The following JARID2 variants were observed in gnomAD, a reference collection of about 807,000 sequenced individuals.
JARID2 encodes jumonji and AT-rich interaction domain containing 2.
Under a neutral mutation model 125.6 loss-of-function variants are expected in JARID2, and 21 were observed. The ratio of observed to expected loss-of-function variants is 0.17; its 90% CI spans 0.12 to 0.24. The LOEUF is 0.24. JARID2 is among the 10% of genes least tolerant of loss of function. JARID2 has a pLI of 1.00. For missense variants in JARID2, 1,303 were observed against 1,639.6 expected (o/e 0.79, Z 3.55); for synonymous variants, 736 against 661.6 (o/e 1.11, Z -1.73).
Position 15,501,008 on chromosome 6 carries a change from A to T in JARID2, c.2047A>T (p.Met683Leu). ...DLKKWNKLAD[M>L]LRIPRTAQDR... is the part of the protein sequence containing the mutation. ...CAAAAAATGGAACAAACTAGCAGAC[A>T]TGCTGCGCATCCCCAGAACTGCCCA... The change falls in exon 8 of 18, where the codon ATG (methionine) becomes TTG (leucine). Residue 683 changes from methionine to leucine, a missense_variant. Physicochemically the swap from Met to Leu is conservative, Grantham distance 15. Around this residue, in one of 11 missense-constraint regions of JARID2, gnomAD observed 64 missense variants for 166.8 expected, o/e 0.38. Transcript: ENST00000341776. The T allele has an allele frequency of 6.2e-7, 1 of 1,614,136 alleles. No homozygotes were observed. The highest frequency in any genetic ancestry group is 8.5e-7 in the Non-Finnish European group (1 of 1,179,948).
intron 3 of JARID2, among the ~76,000 whole-genome samples, chr6:15,450,994 C>A (rs918519867): frequency 2.6e-5 from 4 of 152,078 alleles, no homozygotes; most frequent in Non-Finnish European, 4.4e-5. Context: ...GAAACCTCAC[C>A]TCTACAAAAA....
rs564481297 is a variant in JARID2, at chr6:15,297,836, T to C, written c.45+51252T>C. On this transcript the variant is annotated intron_variant, in intron 1 of 17. Transcript: ENST00000341776. ...CTAGATTATTTAGTAGACCCTAGAT[T>C]TTCTCTACAAATGTAAAATGTTATT... Among the ~76,000 whole-genome samples the C allele has an allele frequency of 2.0e-5, 3 of 152,282 alleles. No homozygotes were observed. The East Asian group carries it at 5.8e-4, about 29-fold the overall frequency.
intron 1 of JARID2, among the ~76,000 whole-genome samples, chr6:15,255,358 C>T (rs1182131670): frequency 1.3e-5 from 2 of 152,152 alleles, no homozygotes; most frequent in Non-Finnish European, 2.9e-5. Flanking sequence ...CCGCCTCAGC[C>T]TCCCAAAGTG....
rs1217076029 is a variant in JARID2, at chr6:15,321,571, GGTTTATCTACTTC to G, written c.46-52543_46-52531del. On this transcript the variant is annotated intron_variant, in intron 1 of 17. Coordinates refer to ENST00000341776, the MANE Select transcript of JARID2 (RefSeq NM_004973.4). ...CAGAACCAAAGACTGACTGTCAGGG[GGTTTATCTACTTC>G]GTAACTTGTCATTAGAAAACATGAT... Among the ~76,000 whole-genome samples the G allele has an allele frequency of 1.1e-4, 17 of 152,152 alleles. No homozygotes were observed. In the East Asian group the frequency reaches 1.9e-3, roughly 17 times the overall value.
chr6:15,304,333 A>G (rs1761745092), intron 1 of JARID2, among the ~76,000 whole-genome samples: 1 of 30,296 alleles, frequency 3.3e-5, no homozygotes, highest in South Asian at 9.6e-4. Context: ...ACCCACTGTA[A>G]CTTGGTTAGT....
chr6:15,433,912 ACT>A (rs1213004086), intron 3 of JARID2, among the ~76,000 whole-genome samples: 1 of 115,370 alleles, frequency 8.7e-6, no homozygotes, highest in Non-Finnish European at 1.8e-5. Context: ...AGTAGCCCTC[ACT>A]CTCCAGGGTG....
At chr6:15,492,866 C>CT (rs1561901087) in intron 6 of JARID2, among the ~76,000 whole-genome samples, 2 of 151,908 alleles carry the variant, frequency 1.3e-5, no homozygotes. Context: ...TATGGGCATG[C>CT]GTGTGTGATA....
Position 15,470,719 on chromosome 6 carries a change from G to T in JARID2, c.670+2001G>T, listed in dbSNP as rs4715978. ...TTGTTACCTGCAGCTGTGGTCATCA[G>T]GGCATCTGGGTGGTTGGAAGAGAGC... On this transcript the variant is annotated intron_variant, in intron 5 of 17. Transcript: ENST00000341776. Among the ~76,000 whole-genome samples the T allele has an allele frequency of 3.7e-3, 65 of 17,548 alleles. 2 individuals are homozygous for T. In the East Asian group the frequency reaches 0.16, roughly 44 times the overall value. 11.5% of individuals were successfully genotyped at this position (17,548 alleles called of 152,430 possible).
chr6:15,413,176 T>A (rs1303672470), intron 3 of JARID2, among the ~76,000 whole-genome samples: 1 of 152,016 alleles, frequency 6.6e-6, no homozygotes, highest in Non-Finnish European at 1.5e-5. Context: ...TGCGCCACTA[T>A]GCCCGGCTAA....
In JARID2 at chr6:15,507,429, G is replaced by C. The variant is rs534479761; in HGVS notation, c.2731+13G>C. 3 of 1,611,876 alleles carry C rather than the reference G, an allele frequency of 1.9e-6. No individual in the cohort carries two copies. Among genetic ancestry groups the C allele is most frequent in the Non-Finnish European group, 2.5e-6 (3 of 1,178,220 alleles). On this transcript the variant is annotated intron_variant, in intron 11 of 17. Coordinates refer to ENST00000341776, the MANE Select transcript of JARID2 (RefSeq NM_004973.4). ...GGTGCTGTGCCTGGTAAGCCTGACT[G>C]TGGCCGCCTGCCTGTGGCAGCTGTG...
intron 1 of JARID2, among the ~76,000 whole-genome samples, chr6:15,284,673 G>A (rs1333934555): frequency 6.6e-6 from 1 of 151,970 alleles, no homozygotes; most frequent in Non-Finnish European, 1.5e-5. Context: ...TTTTAGTAGA[G>A]ACGGGGTTTT....
At chr6:15,336,501 A>G (rs1176311769) in intron 1 of JARID2, among the ~76,000 whole-genome samples, 1 of 152,260 alleles carries the variant, frequency 6.6e-6, no homozygotes, top group Non-Finnish European at 1.5e-5. Context: ...GCCTGTGTAC[A>G]ATGACATATA....
intron 1 of JARID2, among the ~76,000 whole-genome samples, chr6:15,350,157 C>T (rs148611806): frequency 2.0e-5 from 3 of 152,122 alleles, no homozygotes; most frequent in East Asian, 3.9e-4. Context: ...TTCCATCAAG[C>T]TTGAGGCTGT....
chr6:15,390,850 T>C lies in JARID2; in HGVS notation c.181+16598T>C, dbSNP rs1433979693. Among the ~76,000 whole-genome samples the C allele has an allele frequency of 9.2e-5, 14 of 152,292 alleles. No individual in the cohort carries two copies. The East Asian group carries it at 2.7e-3, about 29-fold the overall frequency. On this transcript the variant is annotated intron_variant, in intron 2 of 17. Coordinates refer to ENST00000341776, the MANE Select transcript of JARID2 (RefSeq NM_004973.4). ...AGGATCACACTGTCATCCCTGTAAG[T>C]ATGTCCCAGGGTCCCACCAAGGGTT...
chr6:15,367,873 C>T (rs1480659965), intron 1 of JARID2, among the ~76,000 whole-genome samples: 1 of 152,228 alleles, frequency 6.6e-6, no homozygotes, highest in Non-Finnish European at 1.5e-5. Flanking sequence ...CTCCAAGTAT[C>T]ATCCTCTGGG....
intron 17 of JARID2, among the ~76,000 whole-genome samples, chr6:15,519,260 C>A (rs1436390212): frequency 6.6e-6 from 1 of 152,134 alleles, no homozygotes; most frequent in African/African-American, 2.4e-5. Flanking sequence ...CAGTGTTTAT[C>A]ATCAGTACCT....
chr6:15,312,959 C>T (rs112769285), intron 1 of JARID2, among the ~76,000 whole-genome samples: 1,952 of 152,250 alleles, frequency 0.013, 46 homozygotes, highest in African/African-American at 0.044. Flanking sequence ...CTTGTTGTTC[C>T]GACGAAAACA....
intron 3 of JARID2, among the ~76,000 whole-genome samples, chr6:15,446,241 T>C (rs1380565211): frequency 6.6e-6 from 1 of 152,192 alleles, no homozygotes; most frequent in African/African-American, 2.4e-5. Flanking sequence ...CTAGACTTGG[T>C]AAGGCCTGTA....
At position 15,517,258 on chromosome 6, in the gene JARID2, G is replaced by A; in HGVS notation, c.3548G>A (p.Arg1183His). 6.2e-7 allele frequency: 1 copy of A among 1,612,232 alleles called. No homozygotes were observed. The highest frequency in any genetic ancestry group is 1.7e-5 in the Admixed American group (1 of 60,032). ...TGCCGAGGGCTGAAGTTGATGTACC[G>A]CTACGATGAGGTCAGTCCCTGCCCG... ...KSCRGLKLMY[R>H]YDEEQIISLV... Residue 1183 changes from arginine (R) to histidine (H), a missense_variant, in exon 17 of 18, where the codon CGC becomes CAC. Transcript: ENST00000341776.
Sources: allele counts gnomAD v4.1 joint callset (sites outside exome capture counted in the v4.1 genomes callset), GRCh38; gene constraint gnomAD v4.1.1; regional missense constraint gnomAD v4.1.1; transcripts MANE v1.5; gene names NCBI Gene and HGNC (gene_info 2026-07-23, HGNC 2026-07-21).